Variants in LAMA3 observed in about 807,000 individuals in gnomAD.
The protein encoded by LAMA3 is laminin subunit alpha 3.
In LAMA3, 281 loss-of-function variants were observed where a neutral mutation model predicts 402.0. The observed-to-expected ratio is 0.70, with a 90% CI of 0.63 to 0.77. The LOEUF (loss-of-function observed/expected upper bound fraction) is 0.77. Ranked by LOEUF, LAMA3 falls within the 30% of genes least tolerant of loss-of-function variation. The pLI, the probability that LAMA3 is intolerant of heterozygous loss-of-function variation, is 0.00. For synonymous variants in LAMA3, 1,431 were observed against 1,558.4 expected (o/e 0.92, Z 1.93); for missense variants, 3,840 against 4,215.5 (o/e 0.91, Z 2.47).
At chr18:23,903,745 C>A (rs2081150419) in intron 49 of LAMA3, among the ~76,000 whole-genome samples, 188 bp from the exon 50 acceptor site, 1 of 152,052 alleles carries the variant, frequency 6.6e-6, no homozygotes, top group Non-Finnish European at 1.5e-5. Context: ...TAGTGGTAAA[C>A]CTTGGGGAAA....
chr18:23,948,771 T>A (rs1212800318), intron 70 of LAMA3, among the ~76,000 whole-genome samples: 1 of 152,112 alleles, frequency 6.6e-6, no homozygotes, highest in Non-Finnish European at 1.5e-5. Flanking sequence ...GGTTTCACCA[T>A]GTTGGCCAGG....
chr18:23,880,125 GTCC>G (rs2064848507), intron 39 of LAMA3, among the ~76,000 whole-genome samples: 1 of 152,226 alleles, frequency 6.6e-6, no homozygotes, highest in African/African-American at 2.4e-5. Context: ...AGCCGCTGGT[GTCC>G]TCCTCAGTCA....
chr18:23,819,320 TAGA>T (rs2063237076), intron 18 of LAMA3, among the ~76,000 whole-genome samples: 1 of 152,150 alleles, frequency 6.6e-6, no homozygotes, highest in African/African-American at 2.4e-5. Context: ...AAACAAGGCA[TAGA>T]AGAGTCATTC....
chr18:23,741,102 T>C (rs1020303030), intron 2 of LAMA3, among the ~76,000 whole-genome samples: 1 of 152,022 alleles, frequency 6.6e-6, no homozygotes, highest in Non-Finnish European at 1.5e-5. Flanking sequence ...TACAGGTGCC[T>C]GCCACCACGC....
At chr18:23,806,574 A>G (rs1466734304) in intron 12 of LAMA3, among the ~76,000 whole-genome samples, 4 of 152,114 alleles carry the variant, frequency 2.6e-5, no homozygotes, top group African/African-American at 9.7e-5. Flanking sequence ...TCTTCTGACA[A>G]AGAAGACTCG....
At chr18:23,952,945 A>G (rs372683510) in intron 73 of LAMA3, 45 bp from the exon 74 acceptor site, 4 of 1,612,916 alleles carry the variant, frequency 2.5e-6, no homozygotes, top group Non-Finnish European at 3.4e-6. Context: ...GACATTAAGC[A>G]GGGCTCACCT....
At chr18:23,756,471 A>AT (rs1375570800) in intron 6 of LAMA3, among the ~76,000 whole-genome samples, 1 of 144,322 alleles carries the variant, frequency 6.9e-6, no homozygotes, top group Non-Finnish European at 1.5e-5. Flanking sequence ...CGCCAAAAAA[A>AT]ACCCAAAAAA....
chr18:23,819,965 T>C lies in LAMA3; in HGVS notation c.2272T>C (p.Trp758Arg). The stretch of plus-strand genomic sequence containing the variant: ...TCCGCTGGCATTTCCTGAGTTTAGC[T>C]GGAGAGGATATGCCCAAATGACCTC... ...FDPLAFPEFS[W>R]RGYAQMTSVQ... The change falls in exon 19 of 75, where the codon TGG (tryptophan) becomes CGG (arginine). Residue 758 changes from tryptophan to arginine, a missense_variant. This residue lies in a region of LAMA3 where 2,109 missense variants were observed against 2,376.0 expected (regional missense o/e 0.89). Coordinates refer to ENST00000313654, the MANE Select transcript of LAMA3 (RefSeq NM_198129.4). The C allele has an allele frequency of 6.2e-7, 1 of 1,614,120 alleles. No individual in the cohort carries two copies. The highest frequency in any genetic ancestry group is 8.5e-7 in the Non-Finnish European group (1 of 1,180,018).
intron 1 of LAMA3, 71 bp downstream of exon 1, chr18:23,690,048 G>A (rs1012360715): frequency 8.2e-7 from 1 of 1,217,324 alleles, no homozygotes; most frequent in Non-Finnish European, 1.1e-6. Flanking sequence ...CCCGGAGAAG[G>A]GATCGGGCCC....
At chr18:23,822,652 A>C (rs2063308517) in intron 20 of LAMA3, among the ~76,000 whole-genome samples, 1 of 152,282 alleles carries the variant, frequency 6.6e-6, no homozygotes, top group South Asian at 2.1e-4. Context: ...TGATGTCTTC[A>C]CTGAGCAGAG....
chr18:23,740,110 A>G (rs186827843), intron 2 of LAMA3, among the ~76,000 whole-genome samples: 1 of 152,330 alleles, frequency 6.6e-6, no homozygotes, highest in East Asian at 1.9e-4. Flanking sequence ...AGAGAGTAGG[A>G]TAAACGACAA....
At chr18:23,931,962 C>A (rs1756688440) in intron 65 of LAMA3, among the ~76,000 whole-genome samples, 198 bp from the exon 66 acceptor site, 1 of 152,304 alleles carries the variant, frequency 6.6e-6, no homozygotes. Context: ...GCAAGATACA[C>A]CCATTTTAAT....
At chr18:23,793,832 T>A (rs1397297033) in intron 12 of LAMA3, among the ~76,000 whole-genome samples, 1 of 152,184 alleles carries the variant, frequency 6.6e-6, no homozygotes, top group Non-Finnish European at 1.5e-5. Flanking sequence ...GACTGCTCCC[T>A]CCTTCCCTCA....
chr18:23,792,731 A>G (rs1419053119), intron 12 of LAMA3, among the ~76,000 whole-genome samples: 1 of 152,114 alleles, frequency 6.6e-6, no homozygotes, highest in Admixed American at 6.5e-5. Flanking sequence ...GTATTGCCGC[A>G]TTGGGAATGG....
chr18:23,771,374 GA>G (rs752591461), intron 8 of LAMA3, among the ~76,000 whole-genome samples: 4 of 152,218 alleles, frequency 2.6e-5, no homozygotes, highest in East Asian at 1.9e-4. Flanking sequence ...CCATAGTGGA[GA>G]AAGTCAGAAA....
intron 44 of LAMA3, 69 bp from the exon 45 acceptor site, chr18:23,898,669 C>A (rs1237828185): frequency 1.6e-5 from 14 of 868,358 alleles, no homozygotes; most frequent in Non-Finnish European, 2.6e-5. Flanking sequence ...ATTTATAACC[C>A]TGTTGACCAG....
At chr18:23,902,666 A>G (rs966231233) in intron 48 of LAMA3, among the ~76,000 whole-genome samples, 5 of 152,148 alleles carry the variant, frequency 3.3e-5, no homozygotes, top group Non-Finnish European at 7.3e-5. Context: ...GTACTGGCTG[A>G]TGGTTAGTGA....
intron 47 of LAMA3, among the ~76,000 whole-genome samples, chr18:23,900,280 AG>A (rs1489879941): frequency 6.6e-6 from 1 of 152,204 alleles, no homozygotes; most frequent in Non-Finnish European, 1.5e-5. Context: ...CATTTTGGCC[AG>A]GCTGGTCTCA....
chr18:23,801,141 T>C (rs922992356), intron 12 of LAMA3, among the ~76,000 whole-genome samples: 1 of 152,194 alleles, frequency 6.6e-6, no homozygotes, highest in African/African-American at 2.4e-5. Flanking sequence ...TGCAGTGACA[T>C]GGATGCAGCT....
Sources: allele counts gnomAD v4.1 joint callset (sites outside exome capture counted in the v4.1 genomes callset), GRCh38; gene constraint gnomAD v4.1.1; regional missense constraint gnomAD v4.1.1; transcripts MANE v1.5; gene names NCBI Gene and HGNC (gene_info 2026-07-23, HGNC 2026-07-21).